OTULINL: variants seen among roughly 807,000 people sequenced by gnomAD.
OTULINL encodes the protein inactive ubiquitin thioesterase OTULINL.
OTULINL carries 42 observed loss-of-function variants against 43.9 expected under a neutral mutation model. That is an observed-to-expected ratio of 0.96 (90% confidence interval 0.75 to 1.24). OTULINL has a LOEUF of 1.24. Among genes scored for constraint, OTULINL ranks in the 50% most tolerant of loss-of-function variants. The pLI is 0.00. For missense variants in OTULINL, 411 were observed against 426.4 expected (o/e 0.96, Z 0.32); for synonymous variants, 172 against 153.6 (o/e 1.12, Z -0.88).
intron 5 of OTULINL, among the ~76,000 whole-genome samples, chr5:14,603,780 T>C (rs556750426): frequency 6.6e-6 from 1 of 152,318 alleles, no homozygotes; most frequent in African/African-American, 2.4e-5. Flanking sequence ...TTCTTAACAA[T>C]GTAAGGCAGT....
Position 14,610,200 on chromosome 5 carries a change from C to CA in OTULINL, c.959dup (p.Phe321ValfsTer2). 6.2e-7 allele frequency: 1 copy of CA among 1,613,942 alleles called. No individual in the cohort carries two copies. The highest frequency in any genetic ancestry group is 8.5e-7 in the Non-Finnish European group (1 of 1,179,868). ...TAAAGATAAAAGTGTTCAGACTGTTCAAGTTTAACTCCAGAGACTTTGAAG... is the reference window on the plus strand; with the variant it reads ...TAAAGATAAAAGTGTTCAGACTGTTCAAAGTTTAACTCCAGAGACTTTGAAG... On this transcript the variant is annotated frameshift_variant, in exon 8 of 8. Coordinates refer to ENST00000274217, the MANE Select transcript of OTULINL (RefSeq NM_019018.3). LOFTEE classifies it high-confidence loss of function.
At position 14,611,053 on chromosome 5, in the gene OTULINL, T is replaced by C. The variant is rs1302077694; in HGVS notation, c.*739T>C. 3 of 152,236 alleles carry C rather than the reference T, an allele frequency of 2.0e-5. No homozygotes were observed. Among genetic ancestry groups the C allele is most frequent in the South Asian group, 2.1e-4 (1 of 4,834 alleles). 9.4% of individuals were successfully genotyped at this position (152,236 alleles called of 1,614,324 possible). A position where few individuals can be genotyped will look rare whatever the true frequency, so the allele number is the denominator to read the frequency against. On this transcript the variant is annotated 3_prime_UTR_variant, in exon 8 of 8. Coordinates refer to ENST00000274217, the MANE Select transcript of OTULINL (RefSeq NM_019018.3). ...TGTAGATTAAAGCAAATGACAGTTATTGAACTATCACAAAACTATTAAACT... is the reference window on the plus strand; with the variant it reads ...TGTAGATTAAAGCAAATGACAGTTACTGAACTATCACAAAACTATTAAACT...
Position 14,610,203 on chromosome 5 carries a change from G to C in OTULINL, c.960G>C (p.Lys320Asn). The C allele has an allele frequency of 6.2e-7, 1 of 1,614,112 alleles. No individual in the cohort carries two copies. The highest frequency in any genetic ancestry group is 8.5e-7 in the Non-Finnish European group (1 of 1,179,976). The change falls in exon 8 of 8, where the codon AAG becomes AAC. Residue 320 changes from lysine to asparagine, a missense_variant. Coordinates refer to ENST00000274217, the MANE Select transcript of OTULINL (RefSeq NM_019018.3). ...AGATAAAAGTGTTCAGACTGTTCAA[G>C]TTTAACTCCAGAGACTTTGAAGTCT... ...EVKIKVFRLF[K>N]FNSRDFEVCY...
intron 5 of OTULINL, 85 bp downstream of exon 5, chr5:14,602,417 C>T: frequency 7.8e-7 from 1 of 1,288,492 alleles, no homozygotes; most frequent in Non-Finnish European, 1.1e-6. Context: ...GCTTTGTACT[C>T]AGATGACCAT....
intron 7 of OTULINL, among the ~76,000 whole-genome samples, chr5:14,609,551 AT>A (rs1345274899): frequency 6.6e-6 from 1 of 152,160 alleles, no homozygotes; most frequent in African/African-American, 2.4e-5. Context: ...TGATTGGAAA[AT>A]AATGTAGTTT....
intron 6 of OTULINL, among the ~76,000 whole-genome samples, chr5:14,607,682 G>A (rs941165299): frequency 2.0e-5 from 3 of 152,144 alleles, no homozygotes; most frequent in Admixed American, 6.5e-5. Flanking sequence ...CTATAGGGTC[G>A]GGGGCTTCTA....
chr5:14,591,813 C>T (rs1346370218), intron 1 of OTULINL, among the ~76,000 whole-genome samples: 4 of 152,310 alleles, frequency 2.6e-5, no homozygotes, highest in African/African-American at 9.6e-5. Context: ...GTCAGCAAGC[C>T]ACAGCCCATG....
At chr5:14,586,926 G>T (rs1475991636) in intron 1 of OTULINL, among the ~76,000 whole-genome samples, 1 of 151,998 alleles carries the variant, frequency 6.6e-6, no homozygotes, top group Non-Finnish European at 1.5e-5. Flanking sequence ...CGACAGTGGA[G>T]ATGAGCTCTC....
rs762328797 is a variant in OTULINL, at chr5:14,607,475, G to A, written c.627+17G>A. 1 of 1,612,112 alleles carries A rather than the reference G, an allele frequency of 6.2e-7. No homozygotes were observed. The highest frequency in any genetic ancestry group is 8.5e-7 in the Non-Finnish European group (1 of 1,179,314). On this transcript the variant is annotated intron_variant, in intron 6 of 7. Coordinates refer to ENST00000274217, the MANE Select transcript of OTULINL (RefSeq NM_019018.3). ...AAAACACAGGTAAGTGTTTGCGGGG[G>A]AAATAAAAAGACTAGGAATAAAAGC...
At chr5:14,582,814 CAAAAAAA>C (rs57907300) in intron 1 of OTULINL, among the ~76,000 whole-genome samples, 622 of 55,046 alleles carry the variant, frequency 0.011, 7 homozygotes, top group African/African-American at 0.038. Flanking sequence ...TTGCTCTGTC[CAAAAAAA>C]AAAAAAAAAA....
chr5:14,601,010 T>TA lies in OTULINL; in HGVS notation c.111dup (p.Asp38ArgfsTer58), dbSNP rs1178506562. The TA allele has an allele frequency of 6.2e-7, 1 of 1,609,378 alleles. No homozygotes were observed. The highest frequency in any genetic ancestry group is 1.1e-5 in the South Asian group (1 of 90,104). ...TGGATGCTAGCTACAAGCCAAGCCT[T>TA]AGACACTGTCTGGAGAATGGCAAAA... On this transcript the variant is annotated frameshift_variant, in exon 2 of 8. Transcript: ENST00000274217. LOFTEE classifies it high-confidence loss of function.
At position 14,614,192 on chromosome 5, in the gene OTULINL, CAG is replaced by C. The variant is rs1380845489; in HGVS notation, c.*3880_*3881del. On this transcript the variant is annotated 3_prime_UTR_variant, in exon 8 of 8. Coordinates refer to ENST00000274217, the MANE Select transcript of OTULINL (RefSeq NM_019018.3). ...TAATAAGACCAGTTAATGTGTAAAA[CAG>C]AAAAAAGTATATATATATCATATGT... Among the ~76,000 whole-genome samples, 2 of 49,500 alleles carry C rather than the reference CAG, an allele frequency of 4.0e-5. No individual in the cohort carries two copies. The highest frequency in any genetic ancestry group is 7.3e-5 in the Non-Finnish European group (2 of 27,282). 32.5% of individuals were successfully genotyped at this position (49,500 alleles called of 152,430 possible). A position where few individuals can be genotyped will look rare whatever the true frequency, so the allele number is the denominator to read the frequency against.
chr5:14,592,652 A>G (rs533169942), intron 1 of OTULINL, among the ~76,000 whole-genome samples: 69 of 152,334 alleles, frequency 4.5e-4, no homozygotes, highest in African/African-American at 1.6e-3. Context: ...AAAAACAAGT[A>G]GAATTCTGCC....
At chr5:14,605,991 C>T (rs924605313) in intron 5 of OTULINL, among the ~76,000 whole-genome samples, 3 of 152,174 alleles carry the variant, frequency 2.0e-5, no homozygotes, top group African/African-American at 7.2e-5. Context: ...TTCATGTTTT[C>T]GGGTATCTTT....
intron 1 of OTULINL, among the ~76,000 whole-genome samples, chr5:14,583,533 A>G (rs956371037): frequency 6.6e-6 from 1 of 152,200 alleles, no homozygotes; most frequent in Admixed American, 6.5e-5. Context: ...CTCCAGGCTT[A>G]ACATCATCAC....
At chr5:14,594,484 G>A (rs1759254498) in intron 1 of OTULINL, among the ~76,000 whole-genome samples, 1 of 152,224 alleles carries the variant, frequency 6.6e-6, no homozygotes, top group Non-Finnish European at 1.5e-5. Flanking sequence ...ACCTACTGGG[G>A]AATGGAGGTG....
chr5:14,589,030 G>A (rs563885738), intron 1 of OTULINL, among the ~76,000 whole-genome samples: 8 of 152,098 alleles, frequency 5.3e-5, no homozygotes, highest in Admixed American at 6.5e-5. Context: ...ACATGGACGG[G>A]ATCCTGATTA....
Position 14,613,165 on chromosome 5 carries a change from G to A in OTULINL, c.*2851G>A, listed in dbSNP as rs905872126. Among the ~76,000 whole-genome samples the A allele has an allele frequency of 3.3e-5, 5 of 152,066 alleles. No homozygotes were observed. Among genetic ancestry groups the A allele is most frequent in the East Asian group, 1.9e-4 (1 of 5,186 alleles). On this transcript the variant is annotated 3_prime_UTR_variant, in exon 8 of 8. Transcript: ENST00000274217. Reference sequence around the variant, plus strand: ...CTGAACTCCTGACCTTGGGCGATCCGCCTACCTCGGCATCCCAAAGTGCTG... The same window carrying A: ...CTGAACTCCTGACCTTGGGCGATCCACCTACCTCGGCATCCCAAAGTGCTG...
chr5:14,590,979 A>T (rs1294102575), intron 1 of OTULINL, among the ~76,000 whole-genome samples: 1 of 152,244 alleles, frequency 6.6e-6, no homozygotes, highest in Admixed American at 6.5e-5. Flanking sequence ...TGTTTAAAAA[A>T]CAAACCCACA....
Sources: allele counts gnomAD v4.1 joint callset (sites outside exome capture counted in the v4.1 genomes callset), GRCh38; gene constraint gnomAD v4.1.1; transcripts MANE v1.5; gene names NCBI Gene and HGNC (gene_info 2026-07-23, HGNC 2026-07-21).